The following CDH18 variants were observed in gnomAD, a reference collection of about 807,000 sequenced individuals.
CDH18 encodes cadherin 18.
CDH18 carries 31 observed loss-of-function variants against 67.9 expected under a neutral mutation model. That is an observed-to-expected ratio of 0.46 (90% CI 0.34 to 0.62). The LOEUF (loss-of-function observed/expected upper bound fraction) is 0.62, where lower values mean the gene tolerates loss of function less well. Among genes scored for constraint, CDH18 ranks in the 20% least tolerant of loss-of-function variants. The pLI, the probability that CDH18 is intolerant of heterozygous loss-of-function variation, is 0.01. For missense variants in CDH18, 890 were observed against 975.5 expected (o/e 0.91, Z 1.17); for synonymous variants, 362 against 347.2 (o/e 1.04, Z -0.48).
chr5:20,364,211 GA>G (rs1475860197), intron 1 of CDH18, among the ~76,000 whole-genome samples: 5 of 151,474 alleles, frequency 3.3e-5, no homozygotes, highest in East Asian at 1.9e-4. Flanking sequence ...TGGTAGGGAA[GA>G]AAAAAATAAG....
chr5:19,904,881 G>T (rs906932111), intron 2 of CDH18, among the ~76,000 whole-genome samples: 2 of 152,148 alleles, frequency 1.3e-5, no homozygotes, highest in Non-Finnish European at 2.9e-5. Flanking sequence ...GACAGTTGCA[G>T]ATTTGCTTTC....
At chr5:19,806,055 C>T (rs1019557657) in intron 3 of CDH18, among the ~76,000 whole-genome samples, 2 of 152,202 alleles carry the variant, frequency 1.3e-5, no homozygotes, top group African/African-American at 4.8e-5. Flanking sequence ...CAACCGTTAC[C>T]CCTGTTTGTC....
intron 1 of CDH18, among the ~76,000 whole-genome samples, chr5:20,565,158 T>TCCA (rs1758428890): frequency 6.6e-6 from 1 of 152,176 alleles, no homozygotes; most frequent in South Asian, 2.1e-4. Context: ...CTCAAGGGAA[T>TCCA]CCACCATCCC....
intron 8 of CDH18, among the ~76,000 whole-genome samples, chr5:19,567,977 G>T (rs187138552): frequency 4.6e-5 from 7 of 152,248 alleles, no homozygotes; most frequent in Non-Finnish European, 8.8e-5. Flanking sequence ...TCATGTATAT[G>T]ATTTGTATAT....
intron 2 of CDH18, among the ~76,000 whole-genome samples, chr5:20,156,231 G>C (rs1005383841): frequency 1.3e-5 from 2 of 152,010 alleles, no homozygotes; most frequent in African/African-American, 4.8e-5. Flanking sequence ...CCTGTACTGG[G>C]TATATATAAA....
At chr5:20,182,814 A>G (rs1737795472) in intron 2 of CDH18, among the ~76,000 whole-genome samples, 1 of 151,088 alleles carries the variant, frequency 6.6e-6, no homozygotes, top group Non-Finnish European at 1.5e-5. Context: ...CTATAGCTAT[A>G]GAATTGCGAG....
intron 2 of CDH18, among the ~76,000 whole-genome samples, chr5:20,057,996 C>A (rs1015109218): frequency 1.3e-5 from 2 of 152,136 alleles, no homozygotes; most frequent in Non-Finnish European, 2.9e-5. Flanking sequence ...AGGATACATA[C>A]AATTTCCACC....
intron 2 of CDH18, among the ~76,000 whole-genome samples, chr5:20,110,520 T>C (rs1424196102): frequency 2.0e-5 from 3 of 152,102 alleles, no homozygotes; most frequent in African/African-American, 7.2e-5. Context: ...CTATCACTAC[T>C]AAAAATACAA....
intron 2 of CDH18, among the ~76,000 whole-genome samples, chr5:19,882,642 C>T (rs1787775163): frequency 6.6e-6 from 1 of 152,092 alleles, no homozygotes; most frequent in Non-Finnish European, 1.5e-5. Context: ...TGAAGTATTA[C>T]TGCAGTGAAG....
At chr5:20,405,842 T>C (rs1309224366) in intron 1 of CDH18, among the ~76,000 whole-genome samples, 3 of 152,206 alleles carry the variant, frequency 2.0e-5, no homozygotes, top group Non-Finnish European at 2.9e-5. Flanking sequence ...ATGCTCATCA[T>C]CACTGGTCAT....
chr5:20,296,261 G>GTT (rs988035231), intron 1 of CDH18, among the ~76,000 whole-genome samples: 13 of 135,814 alleles, frequency 9.6e-5, no homozygotes, highest in African/African-American at 3.2e-4. Context: ...TTTGTTTTTT[G>GTT]TTTTTTTTTT....
intron 5 of CDH18, among the ~76,000 whole-genome samples, chr5:19,707,335 T>C (rs971880877): frequency 2.0e-5 from 3 of 152,198 alleles, no homozygotes; most frequent in Non-Finnish European, 4.4e-5. Flanking sequence ...AATGAGTAAC[T>C]TAATGATAGC....
At chr5:19,787,997 C>T (rs1013512548) in intron 3 of CDH18, among the ~76,000 whole-genome samples, 1 of 151,858 alleles carries the variant, frequency 6.6e-6, no homozygotes, top group Non-Finnish European at 1.5e-5. Context: ...GTATTCTCCC[C>T]CTTTTCTTTC....
At chr5:20,128,994 G>C (rs1408951858) in intron 2 of CDH18, among the ~76,000 whole-genome samples, 2 of 151,858 alleles carry the variant, frequency 1.3e-5, no homozygotes, top group Admixed American at 1.3e-4. Context: ...TAGTTGACTG[G>C]GCTAAGAGTA....
At chr5:20,011,240 T>G (rs932401670) in intron 2 of CDH18, among the ~76,000 whole-genome samples, 2 of 152,206 alleles carry the variant, frequency 1.3e-5, no homozygotes, top group Non-Finnish European at 2.9e-5. Context: ...AATTCATTTG[T>G]GATTTGTCTC....
At chr5:20,223,092 C>G (rs746883609) in intron 2 of CDH18, among the ~76,000 whole-genome samples, 7 of 151,924 alleles carry the variant, frequency 4.6e-5, no homozygotes, top group Admixed American at 4.6e-4. Flanking sequence ...CATGTCATTT[C>G]TGGAAAAGCC....
At chr5:20,443,133 C>T (rs1368857773) in intron 1 of CDH18, among the ~76,000 whole-genome samples, 1 of 136,450 alleles carries the variant, frequency 7.3e-6, no homozygotes. Context: ...TGGCGTGAAC[C>T]CGGGAGGCGG....
intron 1 of CDH18, among the ~76,000 whole-genome samples, chr5:20,549,353 C>T (rs1757511783): frequency 6.6e-6 from 1 of 151,974 alleles, no homozygotes; most frequent in Non-Finnish European, 1.5e-5. Context: ...ATACAGTTTG[C>T]AAGATCAGGT....
intron 2 of CDH18, among the ~76,000 whole-genome samples, chr5:20,196,949 A>G (rs1385261554): frequency 6.6e-6 from 1 of 152,130 alleles, no homozygotes; most frequent in African/African-American, 2.4e-5. Context: ...CTGGGGAAAG[A>G]GTGTTTTAAT....
Sources: gnomAD v4.1 joint callset for allele counts (sites outside exome capture counted in the v4.1 genomes callset) on GRCh38, gnomAD v4.1.1 for gene constraint, MANE v1.5 for transcripts, NCBI Gene and HGNC (gene_info 2026-07-23, HGNC 2026-07-21) for gene names.